The following ZC3H14 variants were observed in gnomAD, a reference collection of about 807,000 sequenced individuals.
ZC3H14 encodes the protein zinc finger CCCH-type containing 14.
Under a neutral mutation model 92.4 loss-of-function variants are expected in ZC3H14, and 31 were observed. The observed-to-expected ratio is 0.34, with a 90% CI of 0.25 to 0.45. ZC3H14 has a LOEUF of 0.45. Among genes scored for constraint, ZC3H14 ranks in the 20% least tolerant of loss-of-function variants. The probability of loss-of-function intolerance (pLI) is 1.00; values close to 1 mark genes in which losing one functional copy is unlikely to be tolerated. For synonymous variants in ZC3H14, 321 were observed against 300.9 expected (o/e 1.07, Z -0.69); for missense variants, 781 against 897.3 (o/e 0.87, Z 1.66).
chr14:88,563,284 C>T, intron 1 of ZC3H14, 115 bp downstream of exon 1: 1 of 1,534,592 alleles, frequency 6.5e-7, no homozygotes, highest in Non-Finnish European at 8.7e-7. Flanking sequence ...CCGCTGGACG[C>T]TCCTGGCGGG....
chr14:88,577,395 G>T (rs937675677), intron 8 of ZC3H14, among the ~76,000 whole-genome samples: 1 of 152,064 alleles, frequency 6.6e-6, no homozygotes, highest in African/African-American at 2.4e-5. Context: ...TAAATAAACC[G>T]CATTTTGTTG....
intron 12 of ZC3H14, among the ~76,000 whole-genome samples, chr14:88,603,316 T>G (rs1012760597): frequency 6.6e-6 from 1 of 152,234 alleles, no homozygotes; most frequent in Non-Finnish European, 1.5e-5. Context: ...CCGCTTATGC[T>G]GGCTAAAGGA....
intron 8 of ZC3H14, among the ~76,000 whole-genome samples, chr14:88,576,427 A>G (rs2081165136): frequency 6.6e-6 from 1 of 152,250 alleles, no homozygotes; most frequent in Non-Finnish European, 1.5e-5. Context: ...CTCATTTGTG[A>G]TGTTCCTGCT....
Position 88,620,478 on chromosome 14 carries a change from G to T in ZC3H14, c.*8727G>T. On this transcript the variant is annotated 3_prime_UTR_variant, in exon 17 of 17. Transcript: ENST00000251038. The surrounding 1 kb of genome is among the most constrained non-coding windows in gnomAD (Gnocchi z 4.3). ...TGTATTACAGTGGGAGATACCTCTT[G>T]GTGGGATGAACTTAATGGACATGGC... The T allele has an allele frequency of 3.6e-6, 1 of 278,738 alleles. No homozygotes were observed. The highest frequency in any genetic ancestry group is 6.6e-6 in the Non-Finnish European group (1 of 151,294). The allele number at this position is 278,738 out of a possible 1,614,324, so 17.3% of individuals were successfully genotyped here. A position where few individuals can be genotyped will look rare whatever the true frequency, so the allele number is the denominator to read the frequency against.
At position 88,618,449 on chromosome 14, in the gene ZC3H14, A is replaced by G; in HGVS notation, c.*6698A>G. 9.1e-7 allele frequency: 1 copy of G among 1,101,980 alleles called. No homozygotes were observed. Among genetic ancestry groups the G allele is most frequent in the South Asian group, 1.5e-5 (1 of 67,134 alleles). 68.3% of individuals were successfully genotyped at this position (1,101,980 alleles called of 1,614,324 possible). On this transcript the variant is annotated 3_prime_UTR_variant, in exon 17 of 17. Coordinates refer to ENST00000251038, the MANE Select transcript of ZC3H14 (RefSeq NM_024824.5). The stretch of plus-strand genomic sequence containing the variant: ...ATTTACATGTCTAACATTATTAAGT[A>G]TGCAAAAGATCACTACAAAAACTTA...
Position 88,566,099 on chromosome 14 carries a change from C to T in ZC3H14, c.80-1940C>T, listed in dbSNP as rs377736106. Among the ~76,000 whole-genome samples the T allele has an allele frequency of 6.5e-4, 90 of 139,102 alleles. No individual in the cohort carries two copies. The East Asian group carries it at 7.4e-3, about 11-fold the overall frequency. The allele number at this position is 139,102 out of a possible 152,430, so 91.3% of individuals were successfully genotyped here. A position where few individuals can be genotyped will look rare whatever the true frequency, so the allele number is the denominator to read the frequency against. ...TTCACCATGTTGGCCAGGCTGATCT[C>T]GAACTCCTGACCTTAGGTGATCCAC... On this transcript the variant is annotated intron_variant, in intron 2 of 16. Coordinates refer to ENST00000251038, the MANE Select transcript of ZC3H14 (RefSeq NM_024824.5).
At chr14:88,582,992 T>A (rs2082082913) in intron 9 of ZC3H14, among the ~76,000 whole-genome samples, 1 of 152,136 alleles carries the variant, frequency 6.6e-6, no homozygotes, top group African/African-American at 2.4e-5. Context: ...GTGTACTTTT[T>A]GCTTTTTGTC....
chr14:88,580,199 G>C (rs2081721370), intron 9 of ZC3H14, among the ~76,000 whole-genome samples: 1 of 151,862 alleles, frequency 6.6e-6, no homozygotes, highest in African/African-American at 2.4e-5. Context: ...TGCCCTCCAG[G>C]GAGGCTGAGG....
rs1360912638 is a variant in ZC3H14 at position 88,614,323 on chromosome 14, C to G, written c.*2572C>G. On this transcript the variant is annotated 3_prime_UTR_variant, in exon 17 of 17. Transcript: ENST00000251038. ...CCACTGATGAACAAGTACCAACTTA[C>G]GTTTCAAGCTTCTTAGCCCCATAAT... 1 of 152,178 alleles carries G rather than the reference C, an allele frequency of 6.6e-6. No individual in the cohort carries two copies. The highest frequency in any genetic ancestry group is 6.5e-5 in the Admixed American group (1 of 15,290). 9.4% of individuals were successfully genotyped at this position (152,178 alleles called of 1,614,324 possible).
chr14:88,597,149 G>C (rs193053584), intron 10 of ZC3H14, among the ~76,000 whole-genome samples: 1 of 152,028 alleles, frequency 6.6e-6, no homozygotes, highest in African/African-American at 2.4e-5. Context: ...AGTGGCTTTT[G>C]TATCCTGTTT....
intron 9 of ZC3H14, among the ~76,000 whole-genome samples, chr14:88,583,328 G>A (rs2082133086): frequency 6.6e-6 from 1 of 151,882 alleles, no homozygotes. Context: ...ATGTTGCCCA[G>A]GCTGGTCTGG....
chr14:88,573,499 T>A (rs999420086), intron 6 of ZC3H14, among the ~76,000 whole-genome samples: 1 of 152,118 alleles, frequency 6.6e-6, no homozygotes, highest in African/African-American at 2.4e-5. Flanking sequence ...GATGGCGCGA[T>A]CTCAACTCAC....
chr14:88,611,794 T>C lies in ZC3H14; in HGVS notation c.*43T>C. On this transcript the variant is annotated 3_prime_UTR_variant, in exon 17 of 17. Transcript: ENST00000251038. ...CAGAAGATCATGCAGTTTGGAAGTTTTCATGTACTGATGAAAGATACTCTA... is the reference window on the plus strand; with the variant it reads ...CAGAAGATCATGCAGTTTGGAAGTTCTCATGTACTGATGAAAGATACTCTA... The C allele has an allele frequency of 6.2e-7, 1 of 1,613,732 alleles. No individual in the cohort carries two copies. Among genetic ancestry groups the C allele is most frequent in the Non-Finnish European group, 8.5e-7 (1 of 1,179,766 alleles).
chr14:88,625,228 T>G lies in ZC3H14; in HGVS notation c.*13477T>G. The G allele has an allele frequency of 7.4e-7, 1 of 1,356,928 alleles. No individual in the cohort carries two copies. Among genetic ancestry groups the G allele is most frequent in the Admixed American group, 2.2e-5 (1 of 44,968 alleles). 84.1% of individuals were successfully genotyped at this position (1,356,928 alleles called of 1,614,324 possible). A position where few individuals can be genotyped will look rare whatever the true frequency, so the allele number is the denominator to read the frequency against. ...ATGTGTAATGCTGTCTCACCCTTGA[T>G]ACAAAGAGCATGCATCGTGTAGTGG... On this transcript the variant is annotated 3_prime_UTR_variant, in exon 17 of 17. Transcript: ENST00000251038.
intron 8 of ZC3H14, among the ~76,000 whole-genome samples, chr14:88,576,361 G>A (rs1413285784): frequency 6.6e-6 from 1 of 152,210 alleles, no homozygotes; most frequent in Non-Finnish European, 1.5e-5. Context: ...TATAAACAAG[G>A]TTGGTTTCTT....
At chr14:88,609,593 T>C in intron 14 of ZC3H14, 119 bp from the exon 15 acceptor site, 1 of 1,379,728 alleles carries the variant, frequency 7.2e-7, no homozygotes, top group Non-Finnish European at 1.0e-6. Flanking sequence ...AGTGAATATA[T>C]AAACCTTACC....
At chr14:88,567,764 A>T in intron 2 of ZC3H14, 2 of 445,250 alleles carry the variant, frequency 4.5e-6, no homozygotes, top group South Asian at 1.9e-5. Context: ...TATTAAAAAG[A>T]TTCAAGGAAG....
At chr14:88,568,846 A>G (rs918257752) in intron 3 of ZC3H14, among the ~76,000 whole-genome samples, 4 of 152,192 alleles carry the variant, frequency 2.6e-5, no homozygotes, top group African/African-American at 9.6e-5. Flanking sequence ...AATTCTTAGT[A>G]TATGTCGGCT....
Position 88,616,456 on chromosome 14 carries a change from C to G in ZC3H14, c.*4705C>G. 1 of 613,758 alleles carries G rather than the reference C, an allele frequency of 1.6e-6. No individual in the cohort carries two copies. Among genetic ancestry groups the G allele is most frequent in the Non-Finnish European group, 2.8e-6 (1 of 355,772 alleles). The allele number at this position is 613,758 out of a possible 1,614,324, so 38.0% of individuals were successfully genotyped here. A position where few individuals can be genotyped will look rare whatever the true frequency, so the allele number is the denominator to read the frequency against. On this transcript the variant is annotated 3_prime_UTR_variant, in exon 17 of 17. Transcript: ENST00000251038. ...GTCTCCAGGTACTCTGACCATTTTT[C>G]TCTAAGGAAAAGCATTTGAAATTTG... is the stretch of plus-strand genomic sequence containing the variant.
Sources: allele counts gnomAD v4.1 joint callset (sites outside exome capture counted in the v4.1 genomes callset), GRCh38; gene constraint gnomAD v4.1.1; non-coding constraint Gnocchi (gnomAD v3.1); transcripts MANE v1.5; gene names NCBI Gene and HGNC (gene_info 2026-07-23, HGNC 2026-07-21).